The following RNF122 variants were observed in gnomAD, a reference collection of about 807,000 sequenced individuals.
RNF122 encodes ring finger protein 122.
RNF122 carries 17 observed loss-of-function variants against 24.2 expected under a neutral mutation model. The observed-to-expected ratio is 0.70, with a 90% CI of 0.48 to 1.06. The LOEUF is 1.06. RNF122 is among the 50% of genes least tolerant of loss of function. RNF122 has a pLI of 0.00. For missense variants in RNF122, 168 were observed against 198.1 expected, an observed-to-expected ratio of 0.85 and a Z score of 0.91; for synonymous variants, 65 against 71.8, an observed-to-expected ratio of 0.91 and a Z score of 0.48.
intron 1 of RNF122, among the ~76,000 whole-genome samples, chr8:33,566,330 C>T (rs1810622659): frequency 6.6e-6 from 1 of 152,194 alleles, no homozygotes; most frequent in Non-Finnish European, 1.5e-5. Flanking sequence ...TCTAGGAGAT[C>T]CCAGCCCGAG....
At chr8:33,556,576 C>G (rs1810455333) in intron 2 of RNF122, among the ~76,000 whole-genome samples, 1 of 152,114 alleles carries the variant, frequency 6.6e-6, no homozygotes, top group African/African-American at 2.4e-5. Flanking sequence ...TATCTTCATC[C>G]CTGTCTCCAG....
chr8:33,559,745 A>G (rs1810511627), intron 1 of RNF122, among the ~76,000 whole-genome samples: 2 of 151,670 alleles, frequency 1.3e-5, no homozygotes, highest in South Asian at 4.2e-4. Context: ...CAAAGTCTCA[A>G]TGTGTGGTAC....
chr8:33,557,728 G>A (rs1014605992), intron 2 of RNF122, among the ~76,000 whole-genome samples: 4 of 152,042 alleles, frequency 2.6e-5, no homozygotes, highest in African/African-American at 9.7e-5. Context: ...GGAGTGTGGC[G>A]AGCCCTGCCA....
chr8:33,555,674 G>C (rs992937251), intron 2 of RNF122, among the ~76,000 whole-genome samples: 2 of 152,170 alleles, frequency 1.3e-5, no homozygotes, highest in African/African-American at 2.4e-5. Context: ...GGAAGGACTC[G>C]GCAAGACCCT....
intron 2 of RNF122, among the ~76,000 whole-genome samples, chr8:33,554,853 C>G (rs1219978860): frequency 6.6e-6 from 1 of 152,190 alleles, no homozygotes; most frequent in Non-Finnish European, 1.5e-5. Context: ...GAGGTCAGCT[C>G]TGAGAGAGGG....
intron 1 of RNF122, among the ~76,000 whole-genome samples, chr8:33,566,434 C>G (rs759624074): frequency 6.6e-6 from 1 of 152,234 alleles, no homozygotes; most frequent in Non-Finnish European, 1.5e-5. Flanking sequence ...GGCCGCCACA[C>G]AAAGGCCGGG....
intron 1 of RNF122, among the ~76,000 whole-genome samples, chr8:33,562,928 C>T (rs1205025431): frequency 6.6e-6 from 1 of 151,718 alleles, no homozygotes; most frequent in Non-Finnish European, 1.5e-5. Flanking sequence ...CGTCTCTAAA[C>T]AAAACAAAAC....
intron 2 of RNF122, among the ~76,000 whole-genome samples, chr8:33,553,335 G>C (rs983896078): frequency 6.6e-6 from 1 of 152,104 alleles, no homozygotes; most frequent in East Asian, 1.9e-4. Context: ...AACTCAGGTG[G>C]ATTGCTTGAG....
At chr8:33,558,874 T>C in intron 1 of RNF122, 103 bp from the exon 2 acceptor site, 1 of 844,436 alleles carries the variant, frequency 1.2e-6, no homozygotes, top group Non-Finnish European at 1.7e-6. Flanking sequence ...TCTGGGCACC[T>C]AAGCCTCAGA....
chr8:33,560,130 C>T (rs985122709), intron 1 of RNF122, among the ~76,000 whole-genome samples: 2 of 152,126 alleles, frequency 1.3e-5, no homozygotes, highest in African/African-American at 2.4e-5. Flanking sequence ...GCATGAGCCA[C>T]GGCACCTAGC....
At chr8:33,560,003 G>A (rs978477834) in intron 1 of RNF122, among the ~76,000 whole-genome samples, 28 of 151,962 alleles carry the variant, frequency 1.8e-4, no homozygotes, top group Admixed American at 2.6e-4. Context: ...CACCATGCCC[G>A]GCTAATTTTT....
chr8:33,555,171 T>C (rs1810433044), intron 2 of RNF122, among the ~76,000 whole-genome samples: 1 of 149,986 alleles, frequency 6.7e-6, no homozygotes, highest in African/African-American at 2.5e-5. Context: ...ATGTGGTTAC[T>C]GTTCTGTTTT....
chr8:33,552,526 G>A (rs572387351), intron 2 of RNF122, among the ~76,000 whole-genome samples: 5 of 152,330 alleles, frequency 3.3e-5, no homozygotes, highest in East Asian at 1.9e-4. Context: ...TGATGACAGA[G>A]TCCAAGCTCT....
chr8:33,550,902 T>C, intron 4 of RNF122, 142 bp downstream of exon 4: 1 of 761,302 alleles, frequency 1.3e-6, no homozygotes, highest in Non-Finnish European at 2.3e-6. Context: ...CTTGCTGAGA[T>C]GTGTCTCCAT....
rs1315058442 is a variant in RNF122, at chr8:33,567,002, G to A, written c.-279C>T. On this transcript the variant is annotated 5_prime_UTR_variant, in exon 1 of 6. Transcript: ENST00000256257. ...GGGCCCCGGGCTGGGGGAATGTGGG[G>A]CGCCGCGGGGCGGGGGTGCCCGGGC... 4.1e-6 allele frequency: 2 copies of A among 482,198 alleles called. No individual in the cohort carries two copies. Among genetic ancestry groups the A allele is most frequent in the African/African-American group, 4.2e-5 (2 of 47,700 alleles). The allele number at this position is 482,198 out of a possible 1,614,324, so 29.9% of individuals were successfully genotyped here. A position where few individuals can be genotyped will look rare whatever the true frequency, so the allele number is the denominator to read the frequency against.
intron 2 of RNF122, among the ~76,000 whole-genome samples, chr8:33,555,276 C>T (rs1810435673): frequency 6.6e-6 from 1 of 152,072 alleles, no homozygotes; most frequent in Non-Finnish European, 1.5e-5. Flanking sequence ...GATCTTAGCT[C>T]ACTGCAACCT....
Position 33,566,855 on chromosome 8 carries a change from G to T in RNF122, c.-132C>A. On this transcript the variant is annotated 5_prime_UTR_variant, in exon 1 of 6. Coordinates refer to ENST00000256257, the MANE Select transcript of RNF122 (RefSeq NM_024787.3). Reference sequence around the variant, plus strand: ...AGCGCGCTGCAGCCGCCCTGCTGGAGAAGCCGAACTCCCTCCGGAGTGGGG... The same window carrying T: ...AGCGCGCTGCAGCCGCCCTGCTGGATAAGCCGAACTCCCTCCGGAGTGGGG... 1 of 984,572 alleles carries T rather than the reference G, an allele frequency of 1.0e-6. No homozygotes were observed. The highest frequency in any genetic ancestry group is 1.6e-6 in the Non-Finnish European group (1 of 639,096). 61.0% of individuals were successfully genotyped at this position (984,572 alleles called of 1,614,324 possible). A position where few individuals can be genotyped will look rare whatever the true frequency, so the allele number is the denominator to read the frequency against.
chr8:33,564,734 T>C (rs1810595613), intron 1 of RNF122, among the ~76,000 whole-genome samples: 1 of 151,900 alleles, frequency 6.6e-6, no homozygotes, highest in Non-Finnish European at 1.5e-5. Context: ...TAGCCGGCCA[T>C]GGTGGCACAT....
intron 1 of RNF122, among the ~76,000 whole-genome samples, chr8:33,564,601 A>C (rs1810593716): frequency 6.6e-6 from 1 of 151,994 alleles, no homozygotes; most frequent in African/African-American, 2.4e-5. Context: ...GGCTGGGCGC[A>C]GTGGCTCACG....
Sources: gnomAD v4.1 joint callset for allele counts (sites outside exome capture counted in the v4.1 genomes callset) on GRCh38, gnomAD v4.1.1 for gene constraint, MANE v1.5 for transcripts, NCBI Gene and HGNC (gene_info 2026-07-23, HGNC 2026-07-21) for gene names.